The following EML6 variants were observed in gnomAD, a reference collection of about 807,000 sequenced individuals.
EML6 encodes EMAP like 6.
In EML6, 154 loss-of-function variants were observed where a neutral mutation model predicts 240.1. That is an observed-to-expected ratio of 0.64 (90% CI 0.56 to 0.73). The LOEUF is 0.73. EML6 is among the 30% of genes least tolerant of loss of function. The pLI, the probability that EML6 is intolerant of heterozygous loss-of-function variation, is 0.00. For synonymous variants in EML6, 1,148 were observed against 899.0 expected (o/e 1.28, Z -4.95); for missense variants, 2,964 against 2,474.6 (o/e 1.20, Z -4.20).
At chr2:54,762,490 A>G (rs192054523) in intron 2 of EML6, among the ~76,000 whole-genome samples, 40 of 152,344 alleles carry the variant, frequency 2.6e-4, no homozygotes, top group African/African-American at 7.5e-4. Context: ...AAGACTCCAC[A>G]TAAATATCTT....
intron 12 of EML6, among the ~76,000 whole-genome samples, chr2:54,861,251 A>G (rs935805052): frequency 3.3e-5 from 5 of 152,190 alleles, no homozygotes; most frequent in African/African-American, 1.2e-4. Flanking sequence ...GTTTGGTCAT[A>G]CACCAAGTGC....
intron 12 of EML6, among the ~76,000 whole-genome samples, chr2:54,861,950 C>T (rs1407167658): frequency 2.0e-5 from 3 of 151,960 alleles, no homozygotes; most frequent in African/African-American, 7.3e-5. Flanking sequence ...TCACTGAGGT[C>T]AAGAGAGCAA....
intron 29 of EML6, 66 bp downstream of exon 29, chr2:54,949,026 T>C: frequency 8.5e-7 from 1 of 1,173,848 alleles, no homozygotes; most frequent in Non-Finnish European, 1.2e-6. Context: ...GACATCCCCA[T>C]CTGCACGTCC....
intron 5 of EML6, 71 bp from the exon 6 acceptor site, chr2:54,827,491 GAAGT>G (rs1474861157): frequency 1.2e-5 from 15 of 1,227,506 alleles, no homozygotes; most frequent in Non-Finnish European, 1.3e-5. Flanking sequence ...GAAATGCACT[GAAGT>G]ATAAATAAAC....
Position 54,827,595 on chromosome 2 carries a change from T to G in EML6, c.555T>G (p.Thr185=). 1.3e-6 allele frequency: 2 copies of G among 1,551,686 alleles called. No individual in the cohort carries two copies. The highest frequency in any genetic ancestry group is 1.7e-4 in the Middle Eastern group (1 of 5,984). The change falls in exon 6 of 42, where the codon ACT becomes ACG. Residue 185 remains threonine, a synonymous_variant. Transcript: ENST00000356458. Reference sequence around the variant, plus strand: ...GGACACTGTGTGGAAATGCCCTGACTGCAAAAAGAGGGATATTTGGCAAAA... The same window carrying G: ...GGACACTGTGTGGAAATGCCCTGACGGCAAAAAGAGGGATATTTGGCAAAA... ...KFWTLCGNAL[T]AKRGIFGKTG...
intron 5 of EML6, among the ~76,000 whole-genome samples, chr2:54,824,548 A>G (rs112389056): frequency 0.011 from 1,671 of 152,312 alleles, 25 homozygotes; most frequent in African/African-American, 0.033. Flanking sequence ...ACTCAAAGAA[A>G]ATACTTTCAT....
At position 54,903,068 on chromosome 2, in the gene EML6, CT is replaced by C. The variant is rs1673144428; in HGVS notation, c.3150del (p.Asp1051MetfsTer5). On this transcript the variant is annotated frameshift_variant, in exon 23 of 42. Coordinates refer to ENST00000356458, the MANE Select transcript of EML6 (RefSeq NM_001039753.4). LOFTEE classifies it high-confidence loss of function. ...GGTGGAAGATGCTGTGCCTTTTCCC[CT>C]GATGGGAAAGCCTTAGCGGTTGGCT... ...KKGGRCCAFS[P>X]DGKALAVGLN... 2 of 1,551,694 alleles carry C rather than the reference CT, an allele frequency of 1.3e-6. No individual in the cohort carries two copies. The highest frequency in any genetic ancestry group is 1.7e-6 in the Non-Finnish European group (2 of 1,146,964).
At chr2:54,736,474 C>T (rs1030261924) in intron 2 of EML6, among the ~76,000 whole-genome samples, 1 of 152,186 alleles carries the variant, frequency 6.6e-6, no homozygotes, top group African/African-American at 2.4e-5. Context: ...ATTTATAAAT[C>T]CCTAAGATCC....
At position 54,919,330 on chromosome 2, in the gene EML6, T is replaced by G. The variant is rs1201543603; in HGVS notation, c.3675+2395T>G. On this transcript the variant is annotated intron_variant, in intron 26 of 41. Transcript: ENST00000356458. ...CTTAAAAGTTGGTGCAAGGCTTTTGTATTCAATCTCAATTATTTGCTACTC... is the reference window on the plus strand; with the variant it reads ...CTTAAAAGTTGGTGCAAGGCTTTTGGATTCAATCTCAATTATTTGCTACTC... Among the ~76,000 whole-genome samples the G allele has an allele frequency of 6.0e-5, 9 of 150,834 alleles. 1 individual carries two copies. In the East Asian group the frequency reaches 1.8e-3, roughly 30 times the overall value.
At chr2:54,740,424 G>A (rs1572843120) in intron 2 of EML6, among the ~76,000 whole-genome samples, 1 of 142,834 alleles carries the variant, frequency 7.0e-6, no homozygotes. Context: ...AGAAGAAGGT[G>A]AGTCTGGAAA....
rs1158271261 is a variant in EML6 at position 54,964,016 on chromosome 2, G to A, written c.5188G>A (p.Ala1730Thr). The A allele has an allele frequency of 6.4e-7, 1 of 1,551,500 alleles. No homozygotes were observed. The highest frequency in any genetic ancestry group is 1.4e-5 in the African/African-American group (1 of 73,158). Residue 1730 changes from alanine (A) to threonine (T), a missense_variant, in exon 37 of 42, where the codon GCG (alanine) becomes ACG (threonine). By Grantham distance (58) the Ala-to-Thr change is moderately conservative. Transcript: ENST00000356458. ...GTTAAACAAGGTGAGCTTGGGCCAT[G>A]CGGCCAGGTGTGCAGCCTACAGCCC... is the stretch of plus-strand genomic sequence containing the variant. ...KLLNKVSLGH[A>T]ARCAAYSPDG...
At chr2:54,742,205 T>C (rs928477150) in intron 2 of EML6, among the ~76,000 whole-genome samples, 3 of 152,170 alleles carry the variant, frequency 2.0e-5, no homozygotes, top group Non-Finnish European at 2.9e-5. Context: ...GCCAACTCTA[T>C]TGCTTCTGGA....
At chr2:54,814,799 A>C (rs1374584515) in intron 3 of EML6, among the ~76,000 whole-genome samples, 1 of 152,218 alleles carries the variant, frequency 6.6e-6, no homozygotes, top group East Asian at 1.9e-4. Flanking sequence ...TCTTTCTAGA[A>C]CTAGATTTAT....
At chr2:54,880,528 C>T (rs965709272) in intron 17 of EML6, 1 of 152,184 alleles carries the variant, frequency 6.6e-6, no homozygotes. Context: ...TGCTAGAGAC[C>T]TGGAGGAGCA....
At chr2:54,760,822 A>ATTTTTTTTT (rs200476039) in intron 2 of EML6, among the ~76,000 whole-genome samples, 3 of 120,422 alleles carry the variant, frequency 2.5e-5, no homozygotes, top group African/African-American at 6.6e-5. Flanking sequence ...TTGAGGGAGC[A>ATTTTTTTTT]TTTTTTTTTT....
chr2:54,730,891 C>T (rs565680135), intron 2 of EML6, among the ~76,000 whole-genome samples: 5 of 152,150 alleles, frequency 3.3e-5, no homozygotes, highest in East Asian at 3.9e-4. Flanking sequence ...AAGTTTCTGC[C>T]GCCTCGAAGC....
At chr2:54,730,903 T>C (rs1359229597) in intron 2 of EML6, among the ~76,000 whole-genome samples, 1 of 152,174 alleles carries the variant, frequency 6.6e-6, no homozygotes, top group Non-Finnish European at 1.5e-5. Context: ...CCTCGAAGCT[T>C]ACTTTCTGAT....
intron 7 of EML6, among the ~76,000 whole-genome samples, chr2:54,831,888 A>T (rs961161007): frequency 6.6e-6 from 1 of 152,152 alleles, no homozygotes; most frequent in African/African-American, 2.4e-5. Flanking sequence ...TTAATTTTAG[A>T]ATTGCTGCTG....
intron 26 of EML6, among the ~76,000 whole-genome samples, chr2:54,927,120 T>G (rs940588339): frequency 1.3e-5 from 2 of 152,188 alleles, no homozygotes; most frequent in African/African-American, 4.8e-5. Context: ...TTCTGCCTAT[T>G]TGCTAGCAAA....
Sources: allele counts gnomAD v4.1 joint callset (sites outside exome capture counted in the v4.1 genomes callset), GRCh38; gene constraint gnomAD v4.1.1; transcripts MANE v1.5; gene names NCBI Gene and HGNC (gene_info 2026-07-23, HGNC 2026-07-21).